The following CEP135 variants were observed in gnomAD, a reference collection of about 807,000 sequenced individuals.
CEP135 encodes centrosomal protein 135.
A neutral mutation model predicts 157.3 loss-of-function variants in CEP135; 142 were observed. The observed-to-expected ratio is 0.90, with a 90% CI of 0.79 to 1.04. CEP135 has a LOEUF of 1.04. Ranked by LOEUF, CEP135 falls within the 50% of genes least tolerant of loss-of-function variation. CEP135 has a pLI of 0.00. For missense variants in CEP135, 1,317 were observed against 1,309.2 expected (o/e 1.01, Z -0.09); for synonymous variants, 396 against 439.8 (o/e 0.90, Z 1.25).
At chr4:55,980,374 A>G in intron 12 of CEP135, 79 bp downstream of exon 12, 1 of 843,486 alleles carries the variant, frequency 1.2e-6, no homozygotes, top group Non-Finnish European at 1.8e-6. Context: ...TATCTTTCAC[A>G]TTACTATAAT....
At chr4:55,995,503 G>A (rs1729941608) in intron 15 of CEP135, among the ~76,000 whole-genome samples, 1 of 152,096 alleles carries the variant, frequency 6.6e-6, no homozygotes, top group South Asian at 2.1e-4. Context: ...CGGCTATATA[G>A]TTTATGTCAC....
At chr4:55,955,100 A>G (rs142581672) in intron 4 of CEP135, among the ~76,000 whole-genome samples, 222 of 151,774 alleles carry the variant, frequency 1.5e-3, no homozygotes, top group African/African-American at 4.9e-3. Context: ...AAAAGAAATG[A>G]TGGGCCACAT....
chr4:55,952,880 C>T (rs1560395055), intron 2 of CEP135, among the ~76,000 whole-genome samples: 1 of 152,082 alleles, frequency 6.6e-6, no homozygotes, highest in East Asian at 1.9e-4. Context: ...TTACAATGGC[C>T]AGATCTCATG....
chr4:56,024,484 T>C lies in CEP135; in HGVS notation c.3321-17T>C, dbSNP rs1014999890. The C allele has an allele frequency of 1.4e-5, 23 of 1,595,334 alleles. No individual in the cohort carries two copies. Among genetic ancestry groups the C allele is most frequent in the Middle Eastern group, 1.7e-4 (1 of 6,012 alleles). ...TGGTGCTTGAATATATCTCTCTTGT[T>C]TGATCTTTACTAACAGAGAACGAGC... On this transcript the variant is annotated splice_polypyrimidine_tract_variant and intron_variant, in intron 24 of 25. Coordinates refer to ENST00000257287, the MANE Select transcript of CEP135 (RefSeq NM_025009.5).
At chr4:55,990,657 C>T (rs1031498048) in intron 14 of CEP135, among the ~76,000 whole-genome samples, 1 of 151,872 alleles carries the variant, frequency 6.6e-6, no homozygotes, top group Non-Finnish European at 1.5e-5. Context: ...CCATCATGCC[C>T]GGCTAATTTA....
chr4:55,957,657 A>G (rs1465987853), intron 5 of CEP135, among the ~76,000 whole-genome samples: 1 of 152,224 alleles, frequency 6.6e-6, no homozygotes, highest in Non-Finnish European at 1.5e-5. Context: ...GTTGTCTCCA[A>G]ATAAGAGGTA....
chr4:56,024,421 A>G (rs1046836767), intron 24 of CEP135, 80 bp from the exon 25 acceptor site: 1 of 914,686 alleles, frequency 1.1e-6, no homozygotes, highest in Non-Finnish European at 1.8e-6. Flanking sequence ...AAATTAGCTA[A>G]TAACTCTTAT....
chr4:55,950,807 TAA>T (rs1251304500), intron 1 of CEP135, among the ~76,000 whole-genome samples: 1 of 152,190 alleles, frequency 6.6e-6, no homozygotes, highest in Non-Finnish European at 1.5e-5. Flanking sequence ...GCATAGAGTT[TAA>T]GTGTACTATT....
In CEP135 at chr4:56,032,763, G is replaced by A. The variant is rs990224726; in HGVS notation, c.*1415G>A. The A allele has an allele frequency of 8.6e-5, 13 of 151,984 alleles. No individual in the cohort carries two copies. Among genetic ancestry groups the A allele is most frequent in the Admixed American group, 7.2e-4 (11 of 15,250 alleles). The allele number at this position is 151,984 out of a possible 1,614,324, so 9.4% of individuals were successfully genotyped here. A position where few individuals can be genotyped will look rare whatever the true frequency, so the allele number is the denominator to read the frequency against. Reference sequence around the variant, plus strand: ...GTTCTTAATATATTTCATTATGATTGAAAAACATAAAAACTAACATAGGAA... The same window carrying A: ...GTTCTTAATATATTTCATTATGATTAAAAAACATAAAAACTAACATAGGAA... On this transcript the variant is annotated 3_prime_UTR_variant, in exon 26 of 26. Coordinates refer to ENST00000257287, the MANE Select transcript of CEP135 (RefSeq NM_025009.5).
At chr4:56,024,825 C>CTT (rs71192063) in intron 25 of CEP135, among the ~76,000 whole-genome samples, 67 of 142,286 alleles carry the variant, frequency 4.7e-4, no homozygotes, top group Non-Finnish European at 6.9e-4. Context: ...ACAGTGTATG[C>CTT]TTTTTTTTTT....
chr4:55,954,490 T>C (rs992663756), intron 4 of CEP135, 107 bp downstream of exon 4: 2 of 938,524 alleles, frequency 2.1e-6, no homozygotes, highest in African/African-American at 3.4e-5. Flanking sequence ...GCTTAGACTT[T>C]AGTGTTTGAA....
chr4:55,955,658 A>G (rs908269012), intron 4 of CEP135, among the ~76,000 whole-genome samples: 6 of 152,256 alleles, frequency 3.9e-5, no homozygotes, highest in Non-Finnish European at 5.9e-5. Flanking sequence ...TTCAAGATGT[A>G]TAATCAAGAT....
intron 14 of CEP135, among the ~76,000 whole-genome samples, chr4:55,988,980 AC>A (rs1214299124): frequency 3.3e-5 from 5 of 151,894 alleles, no homozygotes; most frequent in East Asian, 1.9e-4. Flanking sequence ...AAAAAAAAAA[AC>A]ATAATAAAAC....
rs567318002 is a variant in CEP135, at chr4:56,014,367, T to C, written c.2802+2382T>C. ...GCCTTGAAGAGATCATTGGTAGAAA[T>C]AGGGACATGAAAGGCAATTGTGATG... On this transcript the variant is annotated intron_variant, in intron 21 of 25. Transcript: ENST00000257287. 2.0e-5 allele frequency among the ~76,000 whole-genome samples: 3 copies of C among 152,132 alleles called. No individual in the cohort carries two copies. In the South Asian group the frequency reaches 6.2e-4, roughly 32 times the overall value.
chr4:55,970,440 A>G (rs1417367850), intron 9 of CEP135, among the ~76,000 whole-genome samples: 1 of 152,236 alleles, frequency 6.6e-6, no homozygotes, highest in African/African-American at 2.4e-5. Flanking sequence ...ATTGGAAATA[A>G]AGGTAAATAC....
intron 10 of CEP135, among the ~76,000 whole-genome samples, chr4:55,972,400 G>T (rs1729058013): frequency 1.3e-5 from 2 of 152,214 alleles, no homozygotes. Context: ...GAGATTGAAT[G>T]AAGTGCTCAA....
chr4:55,981,298 T>C lies in CEP135; in HGVS notation c.1698T>C (p.Leu566=). ...QTTAPHNIVS[L]MEKEKELALS... ...CAGCACCCCATAATATTGTTAGTCT[T>C]ATGGAAAAGGAAAAAGAACTTGCGT... is the stretch of plus-strand genomic sequence containing the variant. The change falls in exon 13 of 26, where the codon CTT becomes CTC. Residue 566 remains leucine (L), a synonymous_variant. Transcript: ENST00000257287. 1 of 1,598,174 alleles carries C rather than the reference T, an allele frequency of 6.3e-7. No individual in the cohort carries two copies. Among genetic ancestry groups the C allele is most frequent in the South Asian group, 1.2e-5 (1 of 86,672 alleles).
Position 56,011,571 on chromosome 4 carries a change from T to C in CEP135, c.2616+49T>C, listed in dbSNP as rs1312098962. 2.2e-6 allele frequency: 3 copies of C among 1,350,136 alleles called. No individual in the cohort carries two copies. The Admixed American group carries it at 6.8e-5, about 31-fold the overall frequency. 83.6% of individuals were successfully genotyped at this position (1,350,136 alleles called of 1,614,324 possible). A position where few individuals can be genotyped will look rare whatever the true frequency, so the allele number is the denominator to read the frequency against. Reference sequence around the variant, plus strand: ...ATTTAAGACTGAGGTTTTTTTTTTTTTTAACTTTTTCATGTGCCTCTACAA... The same window carrying C: ...ATTTAAGACTGAGGTTTTTTTTTTTCTTAACTTTTTCATGTGCCTCTACAA... On this transcript the variant is annotated intron_variant, in intron 20 of 25. Coordinates refer to ENST00000257287, the MANE Select transcript of CEP135 (RefSeq NM_025009.5).
intron 10 of CEP135, 132 bp from the exon 11 acceptor site, chr4:55,974,614 C>T (rs1261632425): frequency 3.2e-6 from 2 of 630,230 alleles, no homozygotes; most frequent in Non-Finnish European, 2.6e-6. Flanking sequence ...AGATTTGGTA[C>T]CTACAGGTGT....
Sources: gnomAD v4.1 joint callset for allele counts (sites outside exome capture counted in the v4.1 genomes callset) on GRCh38, gnomAD v4.1.1 for gene constraint, MANE v1.5 for transcripts, NCBI Gene and HGNC (gene_info 2026-07-23, HGNC 2026-07-21) for gene names.